The following TNS1 variants were observed in gnomAD, a reference collection of about 807,000 sequenced individuals.
TNS1 encodes tensin 1, also known as tensin-1.
A neutral mutation model predicts 168.6 loss-of-function variants in TNS1; 62 were observed. That is an observed-to-expected ratio of 0.37 (90% CI 0.30 to 0.45). The LOEUF (loss-of-function observed/expected upper bound fraction) is 0.45, where lower values mean the gene tolerates loss of function less well. Ranked by LOEUF, TNS1 falls within the 20% of genes least tolerant of loss-of-function variation. TNS1 has a pLI of 1.00. For missense variants in TNS1, 2,240 were observed against 2,339.4 expected, an observed-to-expected ratio of 0.96 and a Z score of 0.88; for synonymous variants, 934 against 933.2, an observed-to-expected ratio of 1.00 and a Z score of -0.02.
At chr2:217,964,855 C>T (rs1030909296) in intron 3 of TNS1, among the ~76,000 whole-genome samples, 1 of 152,222 alleles carries the variant, frequency 6.6e-6, no homozygotes, top group Admixed American at 6.5e-5. Flanking sequence ...TTCTGCTGTG[C>T]CCCAAGACAC....
At chr2:217,916,921 G>A (rs1299969447) in intron 4 of TNS1, among the ~76,000 whole-genome samples, 4 of 152,220 alleles carry the variant, frequency 2.6e-5, no homozygotes, top group African/African-American at 9.6e-5. Context: ...GAATGGGCAG[G>A]GAGGCCGGAG....
At chr2:217,846,077 G>A (rs1319830908) in intron 19 of TNS1, among the ~76,000 whole-genome samples, 1 of 152,132 alleles carries the variant, frequency 6.6e-6, no homozygotes, top group Non-Finnish European at 1.5e-5. Context: ...GCCCAGATGT[G>A]GGAGAAGGCA....
chr2:217,874,929 C>T (rs1950085762), intron 18 of TNS1, among the ~76,000 whole-genome samples: 2 of 152,142 alleles, frequency 1.3e-5, no homozygotes, highest in African/African-American at 4.8e-5. Context: ...GGTTCTAGGT[C>T]CCATAGCCTT....
At chr2:217,979,578 A>T (rs1034297150) in intron 2 of TNS1, among the ~76,000 whole-genome samples, 1 of 151,800 alleles carries the variant, frequency 6.6e-6, no homozygotes, top group Admixed American at 6.6e-5. Context: ...TCCCATTACC[A>T]GAAGCTGGAA....
At chr2:217,865,157 G>T (rs1293364982) in intron 18 of TNS1, among the ~76,000 whole-genome samples, 1 of 152,142 alleles carries the variant, frequency 6.6e-6, no homozygotes, top group African/African-American at 2.4e-5. Flanking sequence ...GGTCCCTGTG[G>T]CTCCATGCAT....
chr2:217,980,824 T>G (rs1958030383), intron 2 of TNS1, among the ~76,000 whole-genome samples: 1 of 152,088 alleles, frequency 6.6e-6, no homozygotes, highest in South Asian at 2.1e-4. Flanking sequence ...CCTCAGGGCC[T>G]TGGCACTTGC....
At position 217,830,423 on chromosome 2, in the gene TNS1, C is replaced by T. The variant is rs189877000; in HGVS notation, c.3373+1032G>A. On this transcript the variant is annotated intron_variant, in intron 22 of 32. Transcript: ENST00000682258. Reference sequence around the variant, plus strand: ...AAAAAGTAAAGTTGACCCCAATAGCCCCCACCCAGCCCTAAAACCAGAGTC... The same window carrying T: ...AAAAAGTAAAGTTGACCCCAATAGCTCCCACCCAGCCCTAAAACCAGAGTC... 9,666 of 1,611,184 alleles carry T rather than the reference C, an allele frequency of 6.0e-3. 414 individuals carry two copies. The Admixed American group carries it at 0.11, about 18-fold the overall frequency.
intron 3 of TNS1, among the ~76,000 whole-genome samples, chr2:217,921,415 C>A (rs1271208322): frequency 3.9e-5 from 6 of 152,214 alleles, no homozygotes; most frequent in Non-Finnish European, 8.8e-5. Flanking sequence ...TCAGCCCAGC[C>A]CCAGCTGGTA....
chr2:217,996,340 GC>G (rs942621641), intron 1 of TNS1, among the ~76,000 whole-genome samples: 2 of 152,136 alleles, frequency 1.3e-5, no homozygotes, highest in Non-Finnish European at 2.9e-5. Context: ...ACTGCCCCAT[GC>G]CCCCTCACCC....
intron 8 of TNS1, among the ~76,000 whole-genome samples, chr2:217,896,143 T>A (rs1247648018): frequency 2.6e-5 from 4 of 152,238 alleles, no homozygotes; most frequent in Non-Finnish European, 5.9e-5. Context: ...TAGGGCTTAG[T>A]GAGGCTAAAC....
At chr2:217,962,613 G>T (rs770481493) in intron 3 of TNS1, among the ~76,000 whole-genome samples, 1 of 152,186 alleles carries the variant, frequency 6.6e-6, no homozygotes, top group African/African-American at 2.4e-5. Context: ...GAATAAATCA[G>T]TAAAATGGGG....
intron 3 of TNS1, 82 bp downstream of exon 3, chr2:217,978,683 G>T (rs1204244368): frequency 8.1e-6 from 5 of 620,198 alleles, no homozygotes; most frequent in African/African-American, 1.9e-5. Flanking sequence ...CCCCCGCCCC[G>T]CCGGCGCCCC....
chr2:217,835,889 A>G, intron 20 of TNS1, 126 bp downstream of exon 20: 2 of 779,116 alleles, frequency 2.6e-6, no homozygotes, highest in Non-Finnish European at 4.1e-6. Flanking sequence ...AGTTTGGGTG[A>G]GGACGTAGGG....
intron 3 of TNS1, among the ~76,000 whole-genome samples, chr2:217,966,308 T>C (rs55789159): frequency 0.38 from 50,723 of 132,314 alleles, 9,627 homozygotes; most frequent in East Asian, 0.52. Flanking sequence ...TGTGTGTGTG[T>C]GCGCGCGCGC....
chr2:217,810,413 GA>G (rs1202634934), intron 28 of TNS1, 94 bp from the exon 29 acceptor site: 1 of 1,223,958 alleles, frequency 8.2e-7, no homozygotes, highest in African/African-American at 1.5e-5. Context: ...CTCTTTGGCA[GA>G]AGGAACGCTG....
chr2:217,940,599 T>C (rs889464771), intron 3 of TNS1, among the ~76,000 whole-genome samples: 1 of 152,126 alleles, frequency 6.6e-6, no homozygotes, highest in African/African-American at 2.4e-5. Flanking sequence ...GAGAAGAGGA[T>C]TGGAGTTAGA....
At chr2:217,923,259 C>G (rs987467690) in intron 3 of TNS1, among the ~76,000 whole-genome samples, 3 of 152,182 alleles carry the variant, frequency 2.0e-5, no homozygotes, top group African/African-American at 4.8e-5. Context: ...GGTAAGCCCC[C>G]TTCCCCCAGT....
At chr2:217,893,146 G>C in intron 10 of TNS1, 134 bp from the exon 11 acceptor site, 1 of 1,162,594 alleles carries the variant, frequency 8.6e-7, no homozygotes, top group Non-Finnish European at 1.2e-6. Flanking sequence ...ACATAAGGAG[G>C]AAGGGGGCCT....
rs188082343 is a variant in TNS1 at position 217,986,140 on chromosome 2, T to C, written c.148+4802A>G. Among the ~76,000 whole-genome samples, 427 of 152,318 alleles carry C rather than the reference T, an allele frequency of 2.8e-3. 3 individuals are homozygous for C. The highest frequency in any genetic ancestry group is 9.4e-3 in the African/African-American group (391 of 41,568). On this transcript the variant is annotated intron_variant, in intron 2 of 32. Transcript: ENST00000682258. This position sits in a 1 kb window ranked among gnomAD's most constrained non-coding sequence, Gnocchi z 4.7. ...CAGCCAGGTTGTATTAATAGCAAGCTAGGGCTAGAAACCCAGGGTCTTCCC... is the reference window on the plus strand; with the variant it reads ...CAGCCAGGTTGTATTAATAGCAAGCCAGGGCTAGAAACCCAGGGTCTTCCC...
Sources: allele counts gnomAD v4.1 joint callset (sites outside exome capture counted in the v4.1 genomes callset), GRCh38; gene constraint gnomAD v4.1.1; non-coding constraint Gnocchi (gnomAD v3.1); transcripts MANE v1.5; gene names NCBI Gene and HGNC (gene_info 2026-07-23, HGNC 2026-07-21).